The following ELAPOR1 variants were observed in gnomAD, a reference collection of about 807,000 sequenced individuals.
The protein encoded by ELAPOR1 is endosome/lysosome-associated apoptosis and autophagy regulator 1.
ELAPOR1 carries 77 observed loss-of-function variants against 119.7 expected under a neutral mutation model. That is an observed-to-expected ratio of 0.64 (90% CI 0.54 to 0.78). The LOEUF is 0.78. ELAPOR1 is among the 30% of genes least tolerant of loss of function. The pLI is 0.00. For missense variants in ELAPOR1, 1,115 were observed against 1,270.4 expected (o/e 0.88, Z 1.86); for synonymous variants, 481 against 487.2 (o/e 0.99, Z 0.17).
At chr1:109,156,530 G>A (rs1456530165) in intron 1 of ELAPOR1, among the ~76,000 whole-genome samples, 1 of 152,152 alleles carries the variant, frequency 6.6e-6, no homozygotes, top group African/African-American at 2.4e-5. Context: ...CATTCTTTCT[G>A]TCTCTATGAA....
At chr1:109,177,044 T>A (rs1364573958) in intron 7 of ELAPOR1, among the ~76,000 whole-genome samples, 2 of 141,018 alleles carry the variant, frequency 1.4e-5, no homozygotes, top group East Asian at 4.0e-4. Flanking sequence ...TTTCTCAATC[T>A]TTTCCCCACC....
At chr1:109,114,613 C>T (rs1352464433) in intron 1 of ELAPOR1, among the ~76,000 whole-genome samples, 1 of 152,038 alleles carries the variant, frequency 6.6e-6, no homozygotes, top group East Asian at 1.9e-4. Context: ...TACCTGAACT[C>T]AGAATGAGGG....
At chr1:109,162,357 A>T (rs676441) in intron 2 of ELAPOR1, among the ~76,000 whole-genome samples, 76,020 of 152,120 alleles carry the variant, frequency 0.5, 22,751 homozygotes, top group Non-Finnish European at 0.66. Context: ...ACACTCACTC[A>T]CCAGCCACAA....
intron 1 of ELAPOR1, among the ~76,000 whole-genome samples, chr1:109,133,696 T>G (rs1026455033): frequency 2.6e-5 from 4 of 152,204 alleles, no homozygotes; most frequent in Admixed American, 2.6e-4. Context: ...CAAATTGGAA[T>G]AGCAGGGGAT....
At position 109,204,350 on chromosome 1, in the gene ELAPOR1, A is replaced by G. The variant is rs1654368064; in HGVS notation, c.*1338A>G. On this transcript the variant is annotated 3_prime_UTR_variant, in exon 22 of 22. Transcript: ENST00000369939. ...AAGCCCTGGTGGATACATCCTCCCT[A>G]TCTTTTTTTTAAACCTTCCACTATC... 6.6e-6 allele frequency: 1 copy of G among 152,190 alleles called. No individual in the cohort carries two copies. The highest frequency in any genetic ancestry group is 2.4e-5 in the African/African-American group (1 of 41,444). The allele number at this position is 152,190 out of a possible 1,614,324, so 9.4% of individuals were successfully genotyped here. A position where few individuals can be genotyped will look rare whatever the true frequency, so the allele number is the denominator to read the frequency against.
At chr1:109,188,898 T>C (rs1203506393) in intron 9 of ELAPOR1, among the ~76,000 whole-genome samples, 168 bp from the exon 10 acceptor site, 2 of 152,200 alleles carry the variant, frequency 1.3e-5, no homozygotes, top group Non-Finnish European at 2.9e-5. Flanking sequence ...TTAAATACAT[T>C]GTCAGAATGT....
intron 1 of ELAPOR1, 134 bp downstream of exon 1, chr1:109,114,470 G>T (rs562228576): frequency 1.9e-6 from 2 of 1,039,732 alleles, no homozygotes; most frequent in East Asian, 2.8e-5. Context: ...GGCGTGGGGG[G>T]AGGGAAGAGG....
intron 1 of ELAPOR1, among the ~76,000 whole-genome samples, chr1:109,116,510 C>T (rs1648011601): frequency 6.6e-6 from 1 of 152,174 alleles, no homozygotes; most frequent in African/African-American, 2.4e-5. Context: ...TTTACATTCT[C>T]CTTGAGCAAA....
Position 109,128,473 on chromosome 1 carries a change from T to C in ELAPOR1, c.153+14137T>C, listed in dbSNP as rs576680757. 2.7e-3 allele frequency among the ~76,000 whole-genome samples: 414 copies of C among 152,242 alleles called. 1 individual carries two copies. Among genetic ancestry groups the C allele is most frequent in the African/African-American group, 9.6e-3 (399 of 41,552 alleles). Reference sequence around the variant, plus strand: ...GAAAATAGAGTGGCTAGTAACCCACTCTGGGGAGTGTCACCTAGATATAAA... The same window carrying C: ...GAAAATAGAGTGGCTAGTAACCCACCCTGGGGAGTGTCACCTAGATATAAA... On this transcript the variant is annotated intron_variant, in intron 1 of 21. Transcript: ENST00000369939.
intron 1 of ELAPOR1, among the ~76,000 whole-genome samples, chr1:109,140,297 T>G (rs908804101): frequency 2.6e-5 from 4 of 152,282 alleles, no homozygotes; most frequent in Admixed American, 2.0e-4. Flanking sequence ...TATTTTTAGT[T>G]GAATTACTTT....
chr1:109,188,076 C>T (rs1316705031), intron 8 of ELAPOR1, 101 bp from the exon 9 acceptor site: 1 of 1,482,252 alleles, frequency 6.7e-7, no homozygotes, highest in Non-Finnish European at 9.0e-7. Flanking sequence ...TTACCTGGCC[C>T]AGAATCTGGA....
At chr1:109,132,698 G>T (rs1649223036) in intron 1 of ELAPOR1, among the ~76,000 whole-genome samples, 1 of 152,126 alleles carries the variant, frequency 6.6e-6, no homozygotes, top group Non-Finnish European at 1.5e-5. Context: ...ACAGGCAAAG[G>T]CCCTGAGATG....
chr1:109,190,341 G>A (rs764011864), intron 11 of ELAPOR1, among the ~76,000 whole-genome samples: 9 of 152,370 alleles, frequency 5.9e-5, no homozygotes, highest in South Asian at 2.1e-4. Flanking sequence ...TTTCCAGCCC[G>A]CTGGTTAACA....
At chr1:109,187,526 T>C (rs2101101588) in intron 8 of ELAPOR1, 1 of 1,001,120 alleles carries the variant, frequency 1.0e-6, no homozygotes. Flanking sequence ...AAGGGCACGT[T>C]TTTGTCTGTG....
intron 2 of ELAPOR1, 28 bp downstream of exon 2, chr1:109,162,042 C>G: frequency 1.3e-6 from 2 of 1,592,024 alleles, no homozygotes; most frequent in Non-Finnish European, 1.7e-6. Flanking sequence ...TCAGGGCCTC[C>G]CTGTCACTCA....
At chr1:109,115,697 G>C (rs747940527) in intron 1 of ELAPOR1, among the ~76,000 whole-genome samples, 12 of 152,208 alleles carry the variant, frequency 7.9e-5, no homozygotes, top group Non-Finnish European at 1.6e-4. Flanking sequence ...AAAGAAGTCA[G>C]GTGTGGGGGG....
At chr1:109,159,545 A>G (rs539297259) in intron 1 of ELAPOR1, among the ~76,000 whole-genome samples, 3 of 152,144 alleles carry the variant, frequency 2.0e-5, no homozygotes, top group Non-Finnish European at 4.4e-5. Flanking sequence ...CACAACCAAC[A>G]CTGTCATGTT....
chr1:109,127,204 T>C (rs1648835130), intron 1 of ELAPOR1, among the ~76,000 whole-genome samples: 1 of 150,608 alleles, frequency 6.6e-6, no homozygotes, highest in Non-Finnish European at 1.5e-5. Flanking sequence ...TCTAATTCTT[T>C]TTTTTCTTTT....
intron 1 of ELAPOR1, among the ~76,000 whole-genome samples, chr1:109,156,737 C>T (rs961125063): frequency 1.3e-5 from 2 of 152,194 alleles, no homozygotes; most frequent in African/African-American, 4.8e-5. Context: ...CCATCCCTCC[C>T]TCAGTTCCCA....
Sources: allele counts gnomAD v4.1 joint callset (sites outside exome capture counted in the v4.1 genomes callset), GRCh38; gene constraint gnomAD v4.1.1; transcripts MANE v1.5; gene names NCBI Gene and HGNC (gene_info 2026-07-23, HGNC 2026-07-21).